CCM2: variants seen among roughly 807,000 people sequenced by gnomAD.
CCM2 encodes the protein cerebral cavernous malformations 2 protein.
In CCM2, 25 loss-of-function variants were observed where a neutral mutation model predicts 44.9. The observed-to-expected ratio is 0.56, with a 90% CI of 0.41 to 0.78. The LOEUF is 0.78. CCM2 is among the 30% of genes least tolerant of loss of function. The pLI, the probability that CCM2 is intolerant of heterozygous loss-of-function variation, is 0.00. For synonymous variants in CCM2, 219 were observed against 241.1 expected (o/e 0.91, Z 0.85); for missense variants, 481 against 580.6 (o/e 0.83, Z 1.76).
chr7:45,064,243 G>A (rs372563733), intron 3 of CCM2, among the ~76,000 whole-genome samples: 28 of 152,324 alleles, frequency 1.8e-4, no homozygotes, highest in African/African-American at 5.3e-4. Context: ...ACCATGTGCC[G>A]TAAGTCTGAA....
chr7:45,048,182 G>C (rs766923146), intron 2 of CCM2, among the ~76,000 whole-genome samples: 1 of 152,214 alleles, frequency 6.6e-6, no homozygotes, highest in Non-Finnish European at 1.5e-5. Context: ...GTGGTTTGTG[G>C]ATGGGGTTGT....
Position 45,000,298 on chromosome 7 carries a change from C to T in CCM2, c.-36C>T. On this transcript the variant is annotated 5_prime_UTR_variant, in exon 1 of 10. Coordinates refer to ENST00000258781, the MANE Select transcript of CCM2 (RefSeq NM_031443.4). ...GCTGCTGGCGGCGGGGCTCCCGGGG[C>T]GGGCCGGGCGGGCCGCGGGAGCCGC... The T allele has an allele frequency of 8.5e-7, 1 of 1,174,988 alleles. No homozygotes were observed. Among genetic ancestry groups the T allele is most frequent in the South Asian group, 4.1e-5 (1 of 24,230 alleles). The allele number at this position is 1,174,988 out of a possible 1,614,324, so 72.8% of individuals were successfully genotyped here.
At chr7:45,002,344 C>T (rs184350647) in intron 1 of CCM2, among the ~76,000 whole-genome samples, 4 of 152,214 alleles carry the variant, frequency 2.6e-5, no homozygotes, top group Admixed American at 6.5e-5. Flanking sequence ...GGCCAAGGCT[C>T]GATCACTTTA....
intron 6 of CCM2, 99 bp from the exon 7 acceptor site, chr7:45,072,627 C>T: frequency 1.1e-6 from 1 of 901,918 alleles, no homozygotes; most frequent in South Asian, 1.4e-5. Flanking sequence ...AAGACCAGGG[C>T]TGCCGCTGTC....
chr7:45,072,847 C>G (rs1799146145), intron 7 of CCM2, 64 bp downstream of exon 7: 1 of 1,370,664 alleles, frequency 7.3e-7, no homozygotes, highest in African/African-American at 1.4e-5. Flanking sequence ...CTGGTGTTGT[C>G]CAGGCTGCAG....
chr7:45,022,863 C>T (rs1796535361), intron 1 of CCM2, among the ~76,000 whole-genome samples: 1 of 151,980 alleles, frequency 6.6e-6, no homozygotes. Context: ...ACCTCAGCCT[C>T]TCGAGTAGCT....
At chr7:45,005,326 C>T (rs956285593) in intron 1 of CCM2, among the ~76,000 whole-genome samples, 6 of 152,204 alleles carry the variant, frequency 3.9e-5, no homozygotes, top group African/African-American at 1.4e-4. Flanking sequence ...TTGTCAGATT[C>T]TGTCATAATT....
chr7:45,028,651 CG>C (rs1279059874), intron 1 of CCM2, among the ~76,000 whole-genome samples: 4 of 151,204 alleles, frequency 2.6e-5, no homozygotes, highest in Non-Finnish European at 5.9e-5. Context: ...AGTGAAACTC[CG>C]GCTCAAAAAA....
chr7:45,041,945 C>T (rs1219880181), intron 2 of CCM2, among the ~76,000 whole-genome samples: 5 of 152,108 alleles, frequency 3.3e-5, no homozygotes, highest in African/African-American at 1.2e-4. Flanking sequence ...CGCAGGAGGC[C>T]AAGTAGGGAA....
chr7:45,040,319 G>A (rs1441502558), intron 2 of CCM2, among the ~76,000 whole-genome samples: 5 of 152,048 alleles, frequency 3.3e-5, no homozygotes. Flanking sequence ...AGGAGGTGGA[G>A]CTTGCAGTGA....
At position 45,074,284 on chromosome 7, in the gene CCM2, G is replaced by A; in HGVS notation, c.930G>A (p.Leu310=). The A allele has an allele frequency of 6.2e-7, 1 of 1,613,702 alleles. No individual in the cohort carries two copies. Among genetic ancestry groups the A allele is most frequent in the South Asian group, 1.1e-5 (1 of 91,090 alleles). Residue 310 remains leucine (L), a synonymous_variant, in exon 9 of 10, where the codon CTG becomes CTA. Transcript: ENST00000258781. ...CTCTCTTGCAGCTGCGCACCAAGCT[G>A]TCATCACAGGAGATCCAGCAGTTTG... ...QDYMLTLRTK[L]SSQEIQQFAA...
chr7:45,044,530 A>G (rs1432827948), intron 2 of CCM2, among the ~76,000 whole-genome samples: 7 of 152,176 alleles, frequency 4.6e-5, no homozygotes, highest in Non-Finnish European at 8.8e-5. Context: ...GGAAACCCCA[A>G]TTGCTGTAAG....
intron 1 of CCM2, among the ~76,000 whole-genome samples, chr7:45,026,603 T>TA (rs1329597390): frequency 6.8e-6 from 1 of 146,818 alleles, no homozygotes; most frequent in Non-Finnish European, 1.5e-5. Context: ...CCAGATTTTT[T>TA]TTTTTTTTTT....
chr7:45,025,005 C>G (rs1796626649), intron 1 of CCM2, among the ~76,000 whole-genome samples: 1 of 152,082 alleles, frequency 6.6e-6, no homozygotes, highest in Non-Finnish European at 1.5e-5. Flanking sequence ...CTCGATGGAC[C>G]CAGCTTCTGT....
chr7:45,031,493 C>G (rs1468716530), intron 1 of CCM2, among the ~76,000 whole-genome samples: 1 of 152,176 alleles, frequency 6.6e-6, no homozygotes, highest in Non-Finnish European at 1.5e-5. Context: ...ATTCTCTCCC[C>G]CCAGTCTTTC....
chr7:45,010,488 T>G (rs184297473), intron 1 of CCM2, among the ~76,000 whole-genome samples: 4 of 152,380 alleles, frequency 2.6e-5, no homozygotes, highest in Admixed American at 6.5e-5. Flanking sequence ...TTGAGATTTA[T>G]CCATATATTG....
intron 2 of CCM2, among the ~76,000 whole-genome samples, chr7:45,047,348 GA>G (rs1291384413): frequency 6.6e-6 from 1 of 152,178 alleles, no homozygotes; most frequent in African/African-American, 2.4e-5. Context: ...TAAACAAAAT[GA>G]GGTCCATCCA....
At chr7:45,036,004 TG>T (rs1797201213) in intron 1 of CCM2, among the ~76,000 whole-genome samples, 1 of 152,184 alleles carries the variant, frequency 6.6e-6, no homozygotes, top group Non-Finnish European at 1.5e-5. Flanking sequence ...CTCTAAGGAT[TG>T]TTAGCCTGTT....
At chr7:45,047,332 A>C (rs777656239) in intron 2 of CCM2, among the ~76,000 whole-genome samples, 5 of 152,202 alleles carry the variant, frequency 3.3e-5, no homozygotes, top group Non-Finnish European at 5.9e-5. Context: ...TTGGTGGATA[A>C]ATGGTTAAAC....
Sources: allele counts gnomAD v4.1 joint callset (sites outside exome capture counted in the v4.1 genomes callset), GRCh38; gene constraint gnomAD v4.1.1; transcripts MANE v1.5; gene names NCBI Gene and HGNC (gene_info 2026-07-23, HGNC 2026-07-21).